Variants in DNAJB12 observed in about 807,000 individuals in gnomAD.
The protein encoded by DNAJB12 is DnaJ heat shock protein family (Hsp40) member B12.
A neutral mutation model predicts 40.6 loss-of-function variants in DNAJB12; 14 were observed. The ratio of observed to expected loss-of-function variants is 0.34; its 90% CI spans 0.23 to 0.54. The LOEUF is 0.54. Ranked by LOEUF, DNAJB12 falls within the 20% of genes least tolerant of loss-of-function variation. DNAJB12 has a pLI of 0.92. For missense variants in DNAJB12, 444 were observed against 501.7 expected, an observed-to-expected ratio of 0.89 and a Z score of 1.10; for synonymous variants, 181 against 199.5, an observed-to-expected ratio of 0.91 and a Z score of 0.78.
rs138088607 is a variant in DNAJB12, at chr10:72,341,215, G to A, written c.458-45C>T. Reference sequence around the variant, plus strand: ...GTCAGGCCTGAGGATCCTGGGGTGCGGGGGGAGGCTCCCATGGCAGCCGAG... The same window carrying A: ...GTCAGGCCTGAGGATCCTGGGGTGCAGGGGGAGGCTCCCATGGCAGCCGAG... On this transcript the variant is annotated intron_variant, in intron 3 of 8. Coordinates refer to ENST00000444643, the MANE Select transcript of DNAJB12 (RefSeq NM_017626.7). The A allele has an allele frequency of 4.9e-5, 76 of 1,559,814 alleles. No homozygotes were observed. In the African/African-American group the frequency reaches 5.3e-4, roughly 11 times the overall value.
intron 5 of DNAJB12, 106 bp downstream of exon 5, chr10:72,340,683 T>A (rs1470463940): frequency 1.7e-6 from 2 of 1,146,540 alleles, no homozygotes; most frequent in Non-Finnish European, 2.5e-6. Context: ...GGGACTCTGC[T>A]GGTCCCAGAA....
chr10:72,344,332 G>C (rs1241043519), intron 2 of DNAJB12, among the ~76,000 whole-genome samples: 1 of 152,222 alleles, frequency 6.6e-6, no homozygotes, highest in Non-Finnish European at 1.5e-5. Flanking sequence ...AGGCGGCCTT[G>C]GTCCTGAAGC....
chr10:72,342,660 G>A (rs1305143535), intron 3 of DNAJB12, among the ~76,000 whole-genome samples: 1 of 152,224 alleles, frequency 6.6e-6, no homozygotes, highest in African/African-American at 2.4e-5. Flanking sequence ...ATTTCCCAAG[G>A]AGGTGGATGA....
At chr10:72,349,420 C>G (rs186904155) in intron 1 of DNAJB12, among the ~76,000 whole-genome samples, 1 of 152,184 alleles carries the variant, frequency 6.6e-6, no homozygotes, top group East Asian at 1.9e-4. Context: ...CCAGTAGTAA[C>G]CATGAGATTT....
At chr10:72,338,119 A>C in intron 6 of DNAJB12, 83 bp downstream of exon 6, 1 of 1,165,782 alleles carries the variant, frequency 8.6e-7, no homozygotes, top group Non-Finnish European at 1.3e-6. Context: ...TGGCTGGATC[A>C]GGATGGGAAA....
rs764582139 is a variant in DNAJB12, at chr10:72,335,945, G to A, written c.1007-14C>T. ...GCAAGCCTTCCTCTGCAAAGCAATG[G>A]GACAGGGTTAGTGCACACCCAGTAC... On this transcript the variant is annotated splice_polypyrimidine_tract_variant and intron_variant, in intron 7 of 8. Coordinates refer to ENST00000444643, the MANE Select transcript of DNAJB12 (RefSeq NM_017626.7). The surrounding 1 kb of genome is among the most constrained non-coding windows in gnomAD (Gnocchi z 4.4). 1.2e-6 allele frequency: 2 copies of A among 1,613,984 alleles called. No homozygotes were observed. Among genetic ancestry groups the A allele is most frequent in the Admixed American group, 3.3e-5 (2 of 60,006 alleles).
In DNAJB12 at chr10:72,334,489, G is replaced by T. The variant is rs2131974460; in HGVS notation, c.*159C>A. Reference sequence around the variant, plus strand: ...TTCTGCATTTACTGGGTGAGAGAGAGGGCAGCTGTGCAGCGTTCGGCCTCC... The same window carrying T: ...TTCTGCATTTACTGGGTGAGAGAGATGGCAGCTGTGCAGCGTTCGGCCTCC... On this transcript the variant is annotated 3_prime_UTR_variant, in exon 9 of 9. Coordinates refer to ENST00000444643, the MANE Select transcript of DNAJB12 (RefSeq NM_017626.7). 1.5e-6 allele frequency: 2 copies of T among 1,370,752 alleles called. No individual in the cohort carries two copies. The highest frequency in any genetic ancestry group is 1.4e-5 in the African/African-American group (1 of 69,692). 84.9% of individuals were successfully genotyped at this position (1,370,752 alleles called of 1,614,324 possible).
intron 1 of DNAJB12, among the ~76,000 whole-genome samples, chr10:72,351,460 C>G (rs1861932553): frequency 6.6e-6 from 1 of 152,244 alleles, no homozygotes; most frequent in African/African-American, 2.4e-5. Flanking sequence ...GCCCTTCCAC[C>G]TCTCCAAGAC....
intron 1 of DNAJB12, among the ~76,000 whole-genome samples, chr10:72,351,432 C>T (rs971845599): frequency 6.6e-6 from 1 of 152,232 alleles, no homozygotes; most frequent in Non-Finnish European, 1.5e-5. Context: ...TCCCCTCTCT[C>T]GTGACTCTCC....
intron 7 of DNAJB12, among the ~76,000 whole-genome samples, 164 bp downstream of exon 7, chr10:72,336,360 C>T (rs187478136): frequency 6.6e-6 from 1 of 152,358 alleles, no homozygotes; most frequent in East Asian, 1.9e-4. Context: ...CGGAGAAACA[C>T]AGGAGTGGAG....
chr10:72,335,806 A>G lies in DNAJB12; in HGVS notation c.*4T>C, dbSNP rs767938287. ...TGGACCTCGGTGGTGTGGCTGGCCC[A>G]GGACTATCCATGCAGGGAGGCCTGC... On this transcript the variant is annotated 3_prime_UTR_variant, in exon 8 of 9. Transcript: ENST00000444643. This position sits in a 1 kb window ranked among gnomAD's most constrained non-coding sequence, Gnocchi z 4.4. The G allele has an allele frequency of 6.2e-7, 1 of 1,613,518 alleles. No individual in the cohort carries two copies. Among genetic ancestry groups the G allele is most frequent in the Admixed American group, 1.7e-5 (1 of 59,978 alleles).
At chr10:72,337,899 G>A (rs985978322) in intron 6 of DNAJB12, among the ~76,000 whole-genome samples, 1 of 152,100 alleles carries the variant, frequency 6.6e-6, no homozygotes, top group East Asian at 1.9e-4. Flanking sequence ...TGTGTATTAT[G>A]TGTGTGCATG....
chr10:72,347,552 A>G (rs1236810479), intron 1 of DNAJB12, among the ~76,000 whole-genome samples: 2 of 152,244 alleles, frequency 1.3e-5, no homozygotes, highest in African/African-American at 4.8e-5. Context: ...GGCCATGCCA[A>G]ATGTCCTCTT....
intron 1 of DNAJB12, among the ~76,000 whole-genome samples, chr10:72,352,418 C>T (rs896595452): frequency 7.2e-5 from 11 of 152,154 alleles, no homozygotes; most frequent in African/African-American, 2.4e-4. Context: ...ACACCGTCCT[C>T]CAAAGCACAA....
At chr10:72,351,114 C>A (rs1255881042) in intron 1 of DNAJB12, among the ~76,000 whole-genome samples, 1 of 152,194 alleles carries the variant, frequency 6.6e-6, no homozygotes, top group African/African-American at 2.4e-5. Context: ...GAAACTGAGG[C>A]CTACAAATGC....
In DNAJB12 at chr10:72,336,546, G is replaced by A. The variant is rs1861479606; in HGVS notation, c.984C>T (p.Asn328=). The A allele has an allele frequency of 6.2e-7, 1 of 1,613,904 alleles. No homozygotes were observed. The highest frequency in any genetic ancestry group is 1.7e-5 in the Admixed American group (1 of 59,992). Residue 328 remains asparagine (N), a synonymous_variant, in exon 7 of 9, where the codon AAC becomes AAT. Coordinates refer to ENST00000444643, the MANE Select transcript of DNAJB12 (RefSeq NM_017626.7). Reference sequence around the variant, plus strand: ...CACTCTGCTGCTTCTCCTTCCAGCAGTTGTTCCGGAGGTTGGCGATATAAT... The same window carrying A: ...CACTCTGCTGCTTCTCCTTCCAGCAATTGTTCCGGAGGTTGGCGATATAAT... The part of the protein sequence containing the change: ...EDDYIANLRN[N]CWKEKQQKEG...
At chr10:72,340,294 A>C (rs1420434826) in intron 5 of DNAJB12, among the ~76,000 whole-genome samples, 1 of 152,098 alleles carries the variant, frequency 6.6e-6, no homozygotes, top group Non-Finnish European at 1.5e-5. Flanking sequence ...CAGTGAGCCG[A>C]GATCGCGCCA....
At position 72,343,432 on chromosome 10, in the gene DNAJB12, G is replaced by A. The variant is rs897668592; in HGVS notation, c.391C>T (p.Arg131Cys). 9.9e-6 allele frequency: 16 copies of A among 1,614,056 alleles called. No individual in the cohort carries two copies. The highest frequency in any genetic ancestry group is 2.2e-5 in the East Asian group (1 of 44,900). ...ASDEDLKKAY[R>C]RLALKFHPDK... is the part of the protein sequence containing the mutation. ...GGGTGGAATTTGAGGGCCAGTCTGC[G>A]GTAGGCCTTCTTCAGGTCCTCATCC... The change falls in exon 3 of 9, where the codon CGC (arginine) becomes TGC (cysteine). Residue 131 changes from arginine to cysteine, a missense_variant. Physicochemically the swap from Arg to Cys is radical, Grantham distance 180 (BLOSUM62 -3). Coordinates refer to ENST00000444643, the MANE Select transcript of DNAJB12 (RefSeq NM_017626.7).
chr10:72,351,701 G>A (rs72808147), intron 1 of DNAJB12, among the ~76,000 whole-genome samples: 11,363 of 152,228 alleles, frequency 0.075, 859 homozygotes, highest in African/African-American at 0.2. Flanking sequence ...CTGCCATTGT[G>A]CCTGCAGCAA....
Sources: gnomAD v4.1 joint callset for allele counts (sites outside exome capture counted in the v4.1 genomes callset) on GRCh38, gnomAD v4.1.1 for gene constraint, Gnocchi (gnomAD v3.1) non-coding constraint, MANE v1.5 for transcripts, NCBI Gene and HGNC (gene_info 2026-07-23, HGNC 2026-07-21) for gene names.